GUCY1A2: variants seen among roughly 807,000 people sequenced by gnomAD.
GUCY1A2 encodes guanylate cyclase 1 soluble subunit alpha 2, also known as guanylate cyclase soluble subunit alpha-2.
GUCY1A2 carries 27 observed loss-of-function variants against 63.5 expected under a neutral mutation model. The ratio of observed to expected loss-of-function variants is 0.43; its 90% CI spans 0.31 to 0.59. The LOEUF (loss-of-function observed/expected upper bound fraction) is 0.59. Among genes scored for constraint, GUCY1A2 ranks in the 20% least tolerant of loss-of-function variants. The pLI, the probability that GUCY1A2 is intolerant of heterozygous loss-of-function variation, is 0.11. For synonymous variants in GUCY1A2, 364 were observed against 343.5 expected, an observed-to-expected ratio of 1.06 and a Z score of -0.66; for missense variants, 768 against 913.3, an observed-to-expected ratio of 0.84 and a Z score of 2.05.
chr11:106,731,225 T>C (rs1863497953), intron 6 of GUCY1A2, among the ~76,000 whole-genome samples: 2 of 152,118 alleles, frequency 1.3e-5, no homozygotes, highest in African/African-American at 4.8e-5. Context: ...TTTATAGTTT[T>C]AGGTTATACA....
intron 3 of GUCY1A2, among the ~76,000 whole-genome samples, chr11:106,960,251 G>A (rs974830646): frequency 1.3e-5 from 2 of 151,960 alleles, no homozygotes; most frequent in Non-Finnish European, 2.9e-5. Flanking sequence ...TAAATCTCAG[G>A]TATGGGCAAT....
At chr11:106,901,608 A>AG (rs1860133933) in intron 4 of GUCY1A2, among the ~76,000 whole-genome samples, 1 of 151,954 alleles carries the variant, frequency 6.6e-6, no homozygotes, top group South Asian at 2.1e-4. Flanking sequence ...CTCGTCATTT[A>AG]CATTAGGTAT....
intron 4 of GUCY1A2, among the ~76,000 whole-genome samples, chr11:106,929,074 G>A (rs79192007): frequency 1.8e-3 from 270 of 152,280 alleles, no homozygotes; most frequent in African/African-American, 6.3e-3. Flanking sequence ...ATAGAAATGT[G>A]TAAACTAGCT....
intron 4 of GUCY1A2, among the ~76,000 whole-genome samples, chr11:106,864,403 C>G (rs1024014879): frequency 5.9e-5 from 9 of 151,894 alleles, no homozygotes; most frequent in Non-Finnish European, 1.0e-4. Flanking sequence ...ATTTGAATAC[C>G]CTTTCTTTCT....
intron 6 of GUCY1A2, among the ~76,000 whole-genome samples, chr11:106,715,928 G>A (rs1406456516): frequency 6.6e-6 from 1 of 152,192 alleles, no homozygotes; most frequent in Non-Finnish European, 1.5e-5. Context: ...AAAGAGGGCA[G>A]GGCACTACTG....
Position 106,939,890 on chromosome 11 carries a change from T to G in GUCY1A2, c.776A>C (p.Lys259Thr). 6.2e-7 allele frequency: 1 copy of G among 1,614,190 alleles called. No individual in the cohort carries two copies. The highest frequency in any genetic ancestry group is 8.5e-7 in the Non-Finnish European group (1 of 1,180,028). The change falls in exon 4 of 8, where the codon AAG becomes ACG. Residue 259 changes from lysine (K) to threonine (T), a missense_variant. By Grantham distance (78) the Lys-to-Thr change is moderately conservative (BLOSUM62 -1). This residue lies in a region of GUCY1A2 where 496 missense variants were observed against 486.9 expected (regional missense o/e 1.02). Transcript: ENST00000526355. ...AMLGMIKAAG[K>T]KIYRLDVEVE... ...TTCCACATCCAGCCGATAGATCTTC[T>G]TTCCTGCAGCCTTAATCATCCCCAG...
At chr11:106,793,686 A>C (rs572854258) in intron 5 of GUCY1A2, among the ~76,000 whole-genome samples, 4 of 152,258 alleles carry the variant, frequency 2.6e-5, no homozygotes, top group African/African-American at 4.8e-5. Flanking sequence ...TTTAAAAATG[A>C]ACAAAGGACC....
intron 7 of GUCY1A2, among the ~76,000 whole-genome samples, chr11:106,693,487 A>G (rs1169730743): frequency 6.6e-6 from 1 of 152,152 alleles, no homozygotes; most frequent in Non-Finnish European, 1.5e-5. Flanking sequence ...TACAATGACA[A>G]TTAGTGGATC....
intron 6 of GUCY1A2, among the ~76,000 whole-genome samples, chr11:106,749,738 C>T (rs1863851490): frequency 6.6e-6 from 1 of 152,072 alleles, no homozygotes; most frequent in African/African-American, 2.4e-5. Flanking sequence ...TGAAAACGTA[C>T]TCGTACATTG....
In GUCY1A2 at chr11:106,966,327, C is replaced by T. The variant is rs954325489; in HGVS notation, c.487+12292G>A. ...ATCACCATGTTGGCCAGGCTGGACT[C>T]GAACTCCTGACCTCAGGTGATCCAC... On this transcript the variant is annotated intron_variant, in intron 3 of 7. Transcript: ENST00000526355. Among the ~76,000 whole-genome samples, 6 of 152,078 alleles carry T rather than the reference C, an allele frequency of 3.9e-5. No individual in the cohort carries two copies. In the South Asian group the frequency reaches 6.2e-4, roughly 16 times the overall value.
At chr11:106,839,753 G>A (rs990808821) in intron 4 of GUCY1A2, among the ~76,000 whole-genome samples, 6 of 150,594 alleles carry the variant, frequency 4.0e-5, no homozygotes, top group African/African-American at 1.5e-4. Flanking sequence ...GCAAACTATT[G>A]CAAGGACAAA....
At chr11:106,899,538 A>T (rs1860097562) in intron 4 of GUCY1A2, among the ~76,000 whole-genome samples, 1 of 152,228 alleles carries the variant, frequency 6.6e-6, no homozygotes, top group Non-Finnish European at 1.5e-5. Context: ...TCAGAACAAC[A>T]ACTACAGAGA....
At chr11:106,912,616 T>G (rs866095852) in intron 4 of GUCY1A2, among the ~76,000 whole-genome samples, 1 of 152,136 alleles carries the variant, frequency 6.6e-6, no homozygotes, top group African/African-American at 2.4e-5. Flanking sequence ...CAGTTCTCTA[T>G]ATTCAATCAT....
chr11:106,840,747 C>G (rs192877041), intron 4 of GUCY1A2, among the ~76,000 whole-genome samples: 164 of 151,886 alleles, frequency 1.1e-3, no homozygotes, highest in African/African-American at 3.7e-3. Context: ...GAACACTTGC[C>G]AATTTCCTTT....
At chr11:106,811,403 A>C (rs113885344) in intron 4 of GUCY1A2, among the ~76,000 whole-genome samples, 12 of 152,198 alleles carry the variant, frequency 7.9e-5, no homozygotes, top group African/African-American at 2.9e-4. Flanking sequence ...GCACACCTGG[A>C]GAAAAAGCCA....
rs1565255596 is a variant in GUCY1A2 at position 106,681,403 on chromosome 11, A to G, written c.*6146T>C. The G allele has an allele frequency of 4.4e-6, 1 of 226,018 alleles. No homozygotes were observed. Among genetic ancestry groups the G allele is most frequent in the East Asian group, 6.3e-5 (1 of 15,784 alleles). The allele number at this position is 226,018 out of a possible 1,614,324, so 14.0% of individuals were successfully genotyped here. A position where few individuals can be genotyped will look rare whatever the true frequency, so the allele number is the denominator to read the frequency against. On this transcript the variant is annotated 3_prime_UTR_variant, in exon 8 of 8. Transcript: ENST00000526355. ...TCCAACCTATGCTCTACTTCCACTC[A>G]TTTATCCATCCTTAACTTCTTCCTT...
chr11:106,900,144 A>C (rs549671570), intron 4 of GUCY1A2, among the ~76,000 whole-genome samples: 1 of 152,004 alleles, frequency 6.6e-6, no homozygotes, highest in East Asian at 1.9e-4. Context: ...AAGATGCCTG[A>C]TAACTGCAAA....
intron 1 of GUCY1A2, among the ~76,000 whole-genome samples, chr11:106,991,777 G>A (rs1309391059): frequency 6.6e-6 from 1 of 152,084 alleles, no homozygotes; most frequent in Non-Finnish European, 1.5e-5. Flanking sequence ...ATAAATACGA[G>A]ATTTTTTTCT....
intron 5 of GUCY1A2, among the ~76,000 whole-genome samples, chr11:106,778,916 G>C (rs150098258): frequency 2.1e-5 from 3 of 145,652 alleles, no homozygotes; most frequent in Admixed American, 1.4e-4. Context: ...ATGCGTCAGT[G>C]ATGGAGATGC....
Sources: gnomAD v4.1 joint callset for allele counts (sites outside exome capture counted in the v4.1 genomes callset) on GRCh38, gnomAD v4.1.1 for gene constraint, gnomAD v4.1.1 regional missense constraint, MANE v1.5 for transcripts, NCBI Gene and HGNC (gene_info 2026-07-23, HGNC 2026-07-21) for gene names.